Variants in GSE1 observed in about 807,000 individuals in gnomAD.
The protein encoded by GSE1 is Gse1 coiled-coil protein.
In GSE1, 32 loss-of-function variants were observed where a neutral mutation model predicts 112.6. The observed-to-expected ratio is 0.28, with a 90% CI of 0.21 to 0.38. The LOEUF is 0.38. Among genes scored for constraint, GSE1 ranks in the 10% least tolerant of loss-of-function variants. GSE1 has a pLI of 1.00. For synonymous variants in GSE1, 1,115 were observed against 735.6 expected (o/e 1.52, Z -8.35); for missense variants, 2,348 against 1,699.2 (o/e 1.38, Z -6.71).
At chr16:85,617,744 G>T (rs535120165) in intron 1 of GSE1, among the ~76,000 whole-genome samples, 2 of 152,144 alleles carry the variant, frequency 1.3e-5, no homozygotes, top group South Asian at 2.1e-4. Flanking sequence ...CCTTCTGCTG[G>T]GGGGAGCAAT....
At chr16:85,667,890 C>T (rs894999842) in intron 13 of GSE1, among the ~76,000 whole-genome samples, 68 of 134,806 alleles carry the variant, frequency 5.0e-4, no homozygotes, top group Non-Finnish European at 1.3e-4. Context: ...AGATGAATTC[C>T]AACAAAAATG....
At chr16:85,283,184 A>C (rs1333977937) in intron 1 of GSE1, 3 of 152,880 alleles carry the variant, frequency 2.0e-5, no homozygotes, top group African/African-American at 7.2e-5. Context: ...CCTGGGAGGT[A>C]CTAGCCATGC....
chr16:85,317,089 A>G (rs957977289), intron 1 of GSE1, among the ~76,000 whole-genome samples: 2 of 152,170 alleles, frequency 1.3e-5, no homozygotes, highest in Admixed American at 6.5e-5. Context: ...CCATGTGTCT[A>G]TTTAACCATG....
At chr16:85,664,812 T>G in intron 11 of GSE1, 3 of 567,654 alleles carry the variant, frequency 5.3e-6, no homozygotes, top group Non-Finnish European at 9.5e-6. Context: ...GTCTAGGACA[T>G]TGTGTAGTGG....
intron 1 of GSE1, among the ~76,000 whole-genome samples, chr16:85,338,769 C>T (rs1472100243): frequency 1.3e-5 from 2 of 151,728 alleles, no homozygotes; most frequent in Non-Finnish European, 2.9e-5. Flanking sequence ...GAAGCTGGGG[C>T]CCAGAGAGGT....
At chr16:85,427,726 G>A (rs2049026366) in intron 2 of GSE1, among the ~76,000 whole-genome samples, 1 of 152,054 alleles carries the variant, frequency 6.6e-6, no homozygotes, top group Admixed American at 6.6e-5. Flanking sequence ...CAGCTACTCA[G>A]GAAGCTGAGG....
chr16:85,623,046 C>T (rs1302471531), intron 1 of GSE1, among the ~76,000 whole-genome samples: 1 of 152,084 alleles, frequency 6.6e-6, no homozygotes, highest in East Asian at 1.9e-4. Flanking sequence ...ACTCATGGGG[C>T]TGTGGTTTTT....
At chr16:85,522,007 A>G (rs956931717) in intron 2 of GSE1, among the ~76,000 whole-genome samples, 12 of 152,212 alleles carry the variant, frequency 7.9e-5, no homozygotes, top group Admixed American at 7.9e-4. Context: ...CCAGCCTCCC[A>G]TGGGAACCTC....
chr16:85,574,381 G>T (rs2046133281), intron 1 of GSE1, among the ~76,000 whole-genome samples: 1 of 152,164 alleles, frequency 6.6e-6, no homozygotes, highest in Non-Finnish European at 1.5e-5. Context: ...AAACTAGGAG[G>T]GCTCTTCTTG....
chr16:85,325,561 C>T (rs989705508), intron 1 of GSE1, among the ~76,000 whole-genome samples: 5 of 151,594 alleles, frequency 3.3e-5, no homozygotes, highest in Admixed American at 6.6e-5. Flanking sequence ...AAGTGGTTCT[C>T]CTGCCTCAGC....
rs1567781056 is a variant in GSE1 at position 85,673,841 on chromosome 16, GAT to G, written c.*1306_*1307del. 1 of 152,240 alleles carries G rather than the reference GAT, an allele frequency of 6.6e-6. No homozygotes were observed. Among genetic ancestry groups the G allele is most frequent in the Non-Finnish European group, 1.5e-5 (1 of 68,058 alleles). The allele number at this position is 152,240 out of a possible 1,614,324, so 9.4% of individuals were successfully genotyped here. ...CAGGAAGTCAATGATTTCTGTGATT[GAT>G]ATAATTCTAAGGTGTCTGAGAGCAG... On this transcript the variant is annotated 3_prime_UTR_variant, in exon 16 of 16. Coordinates refer to ENST00000253458, the MANE Select transcript of GSE1 (RefSeq NM_014615.5).
intron 2 of GSE1, among the ~76,000 whole-genome samples, chr16:85,426,026 A>AATGGATGG (rs775930864): frequency 5.5e-5 from 2 of 36,500 alleles, no homozygotes; most frequent in East Asian, 1.6e-3. Flanking sequence ...ATGAATGGAA[A>AATGGATGG]ATGGATGGAT....
chr16:85,509,859 C>CGGT (rs2051673138), intron 2 of GSE1, among the ~76,000 whole-genome samples: 1 of 152,118 alleles, frequency 6.6e-6, no homozygotes, highest in Non-Finnish European at 1.5e-5. Flanking sequence ...GATAGGAGAC[C>CGGT]CCCCCAGCCC....
intron 2 of GSE1, among the ~76,000 whole-genome samples, chr16:85,484,849 G>A (rs1482465600): frequency 3.5e-4 from 53 of 152,344 alleles, no homozygotes; most frequent in Admixed American, 3.4e-3. Flanking sequence ...CTTGGGCCCC[G>A]TTTCCAGTTC....
intron 1 of GSE1, among the ~76,000 whole-genome samples, chr16:85,320,889 G>A (rs757502740): frequency 6.6e-6 from 1 of 152,066 alleles, no homozygotes; most frequent in Non-Finnish European, 1.5e-5. Context: ...GGTACCTGCT[G>A]TCCTCCTGCC....
intron 1 of GSE1, among the ~76,000 whole-genome samples, chr16:85,253,081 C>A (rs1358929661): frequency 8.1e-6 from 1 of 122,766 alleles, no homozygotes; most frequent in Admixed American, 7.8e-5. Flanking sequence ...CCCCCCCCCC[C>A]CACCAGCAGG....
At chr16:85,656,836 C>A (rs1337120756) in intron 7 of GSE1, among the ~76,000 whole-genome samples, 171 bp downstream of exon 7, 1 of 152,180 alleles carries the variant, frequency 6.6e-6, no homozygotes, top group African/African-American at 2.4e-5. Flanking sequence ...CGTTGGCACA[C>A]GATGTAGACA....
At chr16:85,253,917 G>A (rs578223349) in intron 1 of GSE1, among the ~76,000 whole-genome samples, 17 of 152,272 alleles carry the variant, frequency 1.1e-4, no homozygotes, top group Non-Finnish European at 2.1e-4. Flanking sequence ...GGCAGGAGGC[G>A]GCACAGACTG....
At chr16:85,508,109 A>C (rs13331395) in intron 2 of GSE1, among the ~76,000 whole-genome samples, 5,878 of 152,160 alleles carry the variant, frequency 0.039, 193 homozygotes, top group South Asian at 0.085. Context: ...ATCTCGGCTC[A>C]CTGCAATGTC....
Sources: allele counts gnomAD v4.1 joint callset (sites outside exome capture counted in the v4.1 genomes callset), GRCh38; gene constraint gnomAD v4.1.1; transcripts MANE v1.5; gene names NCBI Gene and HGNC (gene_info 2026-07-23, HGNC 2026-07-21).